KHDRBS2: variants seen among roughly 807,000 people sequenced by gnomAD.
KHDRBS2 encodes the protein KH domain-containing, RNA-binding, signal transduction-associated protein 2.
KHDRBS2 carries 26 observed loss-of-function variants against 44.3 expected under a neutral mutation model. The ratio of observed to expected loss-of-function variants is 0.59; its 90% confidence interval spans 0.43 to 0.81. KHDRBS2 has a LOEUF of 0.81. Among genes scored for constraint, KHDRBS2 ranks in the 40% least tolerant of loss-of-function variants. KHDRBS2 has a pLI of 0.00. For synonymous variants in KHDRBS2, 194 were observed against 151.1 expected, an observed-to-expected ratio of 1.28 and a Z score of -2.08; for missense variants, 476 against 433.1, an observed-to-expected ratio of 1.10 and a Z score of -0.88.
intron 7 of KHDRBS2, among the ~76,000 whole-genome samples, chr6:61,697,965 T>G (rs756192713): frequency 2.6e-5 from 4 of 152,126 alleles, no homozygotes; most frequent in Non-Finnish European, 5.9e-5. Flanking sequence ...CTCATCCACA[T>G]AATTCCTTCT....
At chr6:61,838,411 G>A (rs1362622615) in intron 6 of KHDRBS2, among the ~76,000 whole-genome samples, 1 of 151,738 alleles carries the variant, frequency 6.6e-6, no homozygotes, top group African/African-American at 2.4e-5. Flanking sequence ...ACACGCTAAT[G>A]TTTATATTAT....
intron 7 of KHDRBS2, among the ~76,000 whole-genome samples, chr6:61,719,344 G>C (rs1169006966): frequency 1.3e-5 from 2 of 151,578 alleles, no homozygotes; most frequent in South Asian, 4.2e-4. Context: ...AATTTGGTTT[G>C]GTAGAGCTGT....
At chr6:61,770,980 C>A (rs369735350) in intron 6 of KHDRBS2, among the ~76,000 whole-genome samples, 2 of 152,140 alleles carry the variant, frequency 1.3e-5, no homozygotes, top group Non-Finnish European at 2.9e-5. Context: ...AGACTAACAG[C>A]GGATCTCTTG....
intron 2 of KHDRBS2, among the ~76,000 whole-genome samples, chr6:62,136,993 C>CTTTT (rs141092447): frequency 1.4e-3 from 106 of 78,310 alleles, no homozygotes; most frequent in African/African-American, 2.2e-3. Flanking sequence ...TCTTTCTTTT[C>CTTTT]TTTTTTTTTT....
chr6:61,589,035 G>A, the KHDRBS2 span, among the ~76,000 whole-genome samples: 103 of 152,064 alleles, frequency 6.8e-4, no homozygotes, highest in Non-Finnish European at 1.3e-3. Flanking sequence ...TGGACACAAG[G>A]AGGGTAACAT....
At chr6:62,069,265 T>C (rs1358135041) in intron 2 of KHDRBS2, among the ~76,000 whole-genome samples, 3 of 151,620 alleles carry the variant, frequency 2.0e-5, no homozygotes, top group Non-Finnish European at 4.4e-5. Context: ...TGTATTCTTA[T>C]AAAAAATAAG....
intron 1 of KHDRBS2, among the ~76,000 whole-genome samples, chr6:62,188,607 A>C (rs547391716): frequency 1.3e-5 from 2 of 152,314 alleles, no homozygotes; most frequent in South Asian, 4.1e-4. Context: ...ATGGGAAATA[A>C]ATGCATGAAG....
chr6:62,222,602 T>C (rs1831090579), intron 1 of KHDRBS2, among the ~76,000 whole-genome samples: 1 of 152,094 alleles, frequency 6.6e-6, no homozygotes, highest in Non-Finnish European at 1.5e-5. Context: ...ATATGAGATT[T>C]GAATGGGGAC....
intron 6 of KHDRBS2, among the ~76,000 whole-genome samples, chr6:61,740,241 G>A (rs1288346023): frequency 6.6e-6 from 1 of 151,890 alleles, no homozygotes; most frequent in African/African-American, 2.4e-5. Context: ...CAGGTAAAAT[G>A]AGAGCATTCC....
chr6:61,598,017 C>A, the KHDRBS2 span, among the ~76,000 whole-genome samples: 1 of 149,924 alleles, frequency 6.7e-6, no homozygotes, highest in Admixed American at 6.7e-5. Flanking sequence ...GTACTCTGAG[C>A]AGCCAGCCTT....
At chr6:61,578,324 C>T in the KHDRBS2 span, among the ~76,000 whole-genome samples, 24 of 152,176 alleles carry the variant, frequency 1.6e-4, 1 homozygote, top group Middle Eastern at 3.4e-3. Flanking sequence ...GTGATCTTTC[C>T]GCAAAACAGT....
At chr6:62,172,935 G>T (rs1486182736) in intron 2 of KHDRBS2, among the ~76,000 whole-genome samples, 1 of 141,038 alleles carries the variant, frequency 7.1e-6, no homozygotes, top group Non-Finnish European at 1.5e-5. Flanking sequence ...CACAACTAAA[G>T]CCTTATTAAT....
chr6:62,012,018 A>G (rs1780390041), intron 3 of KHDRBS2, among the ~76,000 whole-genome samples: 1 of 152,162 alleles, frequency 6.6e-6, no homozygotes, highest in African/African-American at 2.4e-5. Flanking sequence ...ATAAAAAATG[A>G]CATCTTACAA....
At chr6:61,742,002 T>C (rs1776206064) in intron 6 of KHDRBS2, among the ~76,000 whole-genome samples, 1 of 151,996 alleles carries the variant, frequency 6.6e-6, no homozygotes, top group African/African-American at 2.4e-5. Flanking sequence ...TAATGTGGAA[T>C]ATTCTTATGC....
chr6:62,019,713 T>C (rs1781901273), intron 3 of KHDRBS2, among the ~76,000 whole-genome samples: 1 of 152,090 alleles, frequency 6.6e-6, no homozygotes, highest in Non-Finnish European at 1.5e-5. Flanking sequence ...CTGTAGAAGG[T>C]ACTGACATAA....
At chr6:61,897,711 GTCTCTCTCTC>G (rs113407645) in intron 5 of KHDRBS2, among the ~76,000 whole-genome samples, 10,190 of 148,548 alleles carry the variant, frequency 0.069, 401 homozygotes, top group Middle Eastern at 0.14. Flanking sequence ...CTCTGTCTCT[GTCTCTCTCTC>G]TCTCTCTCTC....
chr6:62,169,143 A>G (rs1562991586), intron 2 of KHDRBS2, among the ~76,000 whole-genome samples: 5 of 111,380 alleles, frequency 4.5e-5, no homozygotes, highest in South Asian at 2.7e-4. Context: ...ACACACATAT[A>G]TGTGTGTATA....
chr6:62,171,778 A>G (rs1820064430), intron 2 of KHDRBS2, among the ~76,000 whole-genome samples: 1 of 152,132 alleles, frequency 6.6e-6, no homozygotes, highest in Admixed American at 6.6e-5. Context: ...TATATTCATC[A>G]CTCCTAAAGA....
At chr6:61,824,371 GCTCT>G (rs374643869) in intron 6 of KHDRBS2, among the ~76,000 whole-genome samples, 52 of 151,150 alleles carry the variant, frequency 3.4e-4, no homozygotes, top group Admixed American at 2.6e-3. Flanking sequence ...CCCCCTTCAT[GCTCT>G]CTCTCTCTCT....
Sources: allele counts gnomAD v4.1 joint callset (sites outside exome capture counted in the v4.1 genomes callset), GRCh38; gene constraint gnomAD v4.1.1; transcripts MANE v1.5; gene names NCBI Gene and HGNC (gene_info 2026-07-23, HGNC 2026-07-21).